CDC42BPA: variants seen among roughly 807,000 people sequenced by gnomAD.
CDC42BPA encodes serine/threonine-protein kinase MRCK alpha.
CDC42BPA carries 80 observed loss-of-function variants against 223.5 expected under a neutral mutation model. That is an observed-to-expected ratio of 0.36 (90% CI 0.30 to 0.43). The LOEUF is 0.43. CDC42BPA is among the 20% of genes least tolerant of loss of function. The pLI is 1.00. For missense variants in CDC42BPA, 1,743 were observed against 2,099.9 expected, an observed-to-expected ratio of 0.83 and a Z score of 3.32; for synonymous variants, 694 against 718.6, an observed-to-expected ratio of 0.97 and a Z score of 0.55.
intron 2 of CDC42BPA, among the ~76,000 whole-genome samples, chr1:227,242,138 TATA>T (rs1268689153): frequency 1.3e-5 from 2 of 152,006 alleles, no homozygotes; most frequent in Admixed American, 6.5e-5. Context: ...ATTTGAAAAT[TATA>T]ATATCAATAT....
At chr1:227,231,613 T>C (rs1225415682) in intron 2 of CDC42BPA, among the ~76,000 whole-genome samples, 3 of 150,130 alleles carry the variant, frequency 2.0e-5, no homozygotes, top group East Asian at 3.9e-4. Flanking sequence ...TGTAAAAGCG[T>C]TCCTATTTCT....
At chr1:227,127,352 TAAC>T (rs1656037487) in intron 11 of CDC42BPA, among the ~76,000 whole-genome samples, 1 of 152,180 alleles carries the variant, frequency 6.6e-6, no homozygotes, top group African/African-American at 2.4e-5. Flanking sequence ...GTGAATGACA[TAAC>T]AACTAGATTG....
chr1:227,238,667 A>C (rs947214440), intron 2 of CDC42BPA, among the ~76,000 whole-genome samples: 1 of 152,192 alleles, frequency 6.6e-6, no homozygotes, highest in Non-Finnish European at 1.5e-5. Context: ...AAACCTAACT[A>C]TATGAAAAAG....
intron 5 of CDC42BPA, among the ~76,000 whole-genome samples, chr1:227,162,053 T>C (rs1327642123): frequency 2.6e-5 from 4 of 152,170 alleles, no homozygotes; most frequent in African/African-American, 9.7e-5. Context: ...AATATTTTAT[T>C]CTTTATCTTA....
chr1:227,244,298 C>T (rs907312333), intron 2 of CDC42BPA, among the ~76,000 whole-genome samples: 1 of 152,058 alleles, frequency 6.6e-6, no homozygotes, highest in Non-Finnish European at 1.5e-5. Context: ...TAACTTGTGA[C>T]ATATTCATAT....
At chr1:226,996,818 C>T (rs910420888) in intron 35 of CDC42BPA, among the ~76,000 whole-genome samples, 4 of 152,118 alleles carry the variant, frequency 2.6e-5, no homozygotes, top group Admixed American at 6.6e-5. Flanking sequence ...CCGACTTGAT[C>T]GTGGTGGATA....
intron 27 of CDC42BPA, among the ~76,000 whole-genome samples, chr1:227,032,889 C>G (rs958225317): frequency 6.6e-5 from 10 of 152,202 alleles, no homozygotes; most frequent in Non-Finnish European, 1.2e-4. Flanking sequence ...AAGAACTGTA[C>G]AGCTGGTCCA....
At chr1:227,076,858 T>C (rs16846989) in intron 17 of CDC42BPA, among the ~76,000 whole-genome samples, 19,664 of 152,098 alleles carry the variant, frequency 0.13, 1,347 homozygotes, top group East Asian at 0.26. Flanking sequence ...CCCTCTTTCA[T>C]TGTTACACTC....
intron 5 of CDC42BPA, among the ~76,000 whole-genome samples, chr1:227,171,012 C>T (rs182129137): frequency 2.6e-5 from 4 of 152,266 alleles, no homozygotes; most frequent in East Asian, 1.9e-4. Flanking sequence ...GAGTCAGTGA[C>T]GTCTTGCAAA....
At chr1:227,002,286 A>G (rs1572171654) in intron 35 of CDC42BPA, among the ~76,000 whole-genome samples, 1 of 150,958 alleles carries the variant, frequency 6.6e-6, no homozygotes, top group East Asian at 2.0e-4. Context: ...AACAGCTTAC[A>G]TCAATCATCA....
intron 1 of CDC42BPA, among the ~76,000 whole-genome samples, chr1:227,267,277 A>G (rs550168732): frequency 2.6e-5 from 4 of 152,372 alleles, no homozygotes; most frequent in East Asian, 3.8e-4. Flanking sequence ...ACTAAAATAC[A>G]TAACAGAATA....
chr1:226,995,760 C>G (rs1270987114), intron 35 of CDC42BPA, among the ~76,000 whole-genome samples: 1 of 152,092 alleles, frequency 6.6e-6, no homozygotes. Context: ...ATTGTCAGTA[C>G]CTATTTAAAG....
In CDC42BPA at chr1:227,092,479, T is replaced by C. The variant is rs139517691; in HGVS notation, c.2250-488A>G. Among the ~76,000 whole-genome samples the C allele has an allele frequency of 1.2e-4, 18 of 152,326 alleles. No individual in the cohort carries two copies. In the East Asian group the frequency reaches 3.5e-3, roughly 29 times the overall value. ...ATGAAAATAATAATTGCCATTTGCT[T>C]CACATGCATTACGTTCTATCCAAAG... On this transcript the variant is annotated intron_variant, in intron 15 of 36. Coordinates refer to ENST00000366766, the MANE Select transcript of CDC42BPA (RefSeq NM_001394014.1).
chr1:227,239,120 TTAAAGA>T (rs1039927275), intron 2 of CDC42BPA, among the ~76,000 whole-genome samples: 2 of 152,168 alleles, frequency 1.3e-5, no homozygotes, highest in African/African-American at 4.8e-5. Flanking sequence ...ATCAAGCCAT[TTAAAGA>T]TGTAGAGGAA....
chr1:227,020,665 A>G (rs1667191599), intron 32 of CDC42BPA, among the ~76,000 whole-genome samples: 1 of 152,226 alleles, frequency 6.6e-6, no homozygotes, highest in Non-Finnish European at 1.5e-5. Context: ...GTCTCTCCAG[A>G]TCACTAAAAC....
At chr1:227,013,783 T>C (rs1028764890) in intron 34 of CDC42BPA, among the ~76,000 whole-genome samples, 1 of 152,132 alleles carries the variant, frequency 6.6e-6, no homozygotes, top group Non-Finnish European at 1.5e-5. Flanking sequence ...ACTACTGAAA[T>C]AATTTTATAT....
At chr1:227,275,038 A>T (rs907464831) in intron 1 of CDC42BPA, among the ~76,000 whole-genome samples, 1 of 151,824 alleles carries the variant, frequency 6.6e-6, no homozygotes, top group Admixed American at 6.6e-5. Flanking sequence ...GAACAATCTA[A>T]GTAACAACCT....
rs80171909 is a variant in CDC42BPA at position 227,158,344 on chromosome 1, T to C, written c.693+2199A>G. On this transcript the variant is annotated intron_variant, in intron 6 of 36. Transcript: ENST00000366766. ...TACTGACTGCTTTTATCTGACTCTGTATCACTATCCACATGCCCATTTTTG... is the reference window on the plus strand; with the variant it reads ...TACTGACTGCTTTTATCTGACTCTGCATCACTATCCACATGCCCATTTTTG... 2.7e-3 allele frequency among the ~76,000 whole-genome samples: 413 copies of C among 152,310 alleles called. 13 individuals are homozygous for C. The East Asian group carries it at 0.052, about 19-fold the overall frequency.
chr1:227,016,099 ATCTGTAT>A lies in CDC42BPA; in HGVS notation c.4831_4837del (p.Ile1611SerfsTer2). 1 of 1,587,358 alleles carries A rather than the reference ATCTGTAT, an allele frequency of 6.3e-7. No individual in the cohort carries two copies. The highest frequency in any genetic ancestry group is 8.6e-7 in the Non-Finnish European group (1 of 1,156,080). On this transcript the variant is annotated frameshift_variant, in exon 34 of 37. Transcript: ENST00000366766. LOFTEE classifies it high-confidence loss of function. ...TCTTACCATGGGCAGATCTTTCAGG[ATCTGTAT>A]TCCATCTCCAGGACCCATGTGTGCT...
Sources: allele counts gnomAD v4.1 joint callset (sites outside exome capture counted in the v4.1 genomes callset), GRCh38; gene constraint gnomAD v4.1.1; transcripts MANE v1.5; gene names NCBI Gene and HGNC (gene_info 2026-07-23, HGNC 2026-07-21).